The following KCNS1 variants were observed in gnomAD, a reference collection of about 807,000 sequenced individuals.
KCNS1 encodes potassium voltage-gated channel modifier subfamily S member 1.
KCNS1 carries 26 observed loss-of-function variants against 33.1 expected under a neutral mutation model. That is an observed-to-expected ratio of 0.79 (90% CI 0.58 to 1.09). KCNS1 has a LOEUF of 1.09. Ranked by LOEUF, KCNS1 falls within the 50% of genes least tolerant of loss-of-function variation. The pLI, the probability that KCNS1 is intolerant of heterozygous loss-of-function variation, is 0.00. For missense variants in KCNS1, 702 were observed against 752.4 expected (o/e 0.93, Z 0.78); for synonymous variants, 299 against 338.8 (o/e 0.88, Z 1.29).
Position 45,091,778 on chromosome 20 carries a change from G to A in KCNS1, c.*3092C>T, listed in dbSNP as rs1242136948. ...ACACTGAAGTGAGATCAGAGGCAGA[G>A]ACTTGAGTGATGCAGCCACAGCCAA... On this transcript the variant is annotated 3_prime_UTR_variant, in exon 4 of 4. Transcript: ENST00000537075. Among the ~76,000 whole-genome samples, 2 of 152,190 alleles carry A rather than the reference G, an allele frequency of 1.3e-5. No individual in the cohort carries two copies. The highest frequency in any genetic ancestry group is 4.8e-5 in the African/African-American group (2 of 41,450).
intron 2 of KCNS1, 95 bp downstream of exon 2, chr20:45,099,066 T>C (rs1050495567): frequency 7.2e-7 from 1 of 1,398,432 alleles, no homozygotes; most frequent in African/African-American, 1.4e-5. Flanking sequence ...CAGGACAAAC[T>C]TGGATTTATT....
In KCNS1 at chr20:45,095,096, G is replaced by C. The variant is rs1289535083; in HGVS notation, c.1355C>G (p.Pro452Arg). ...ILGGILVVAL[P>R]ITIIFNKFSH... is the part of the protein sequence containing the mutation. Reference sequence around the variant, plus strand: ...GAACTTGTTGAAGATGATGGTGATGGGGAGTGCTACCACCAGGATGCCCCC... The same window carrying C: ...GAACTTGTTGAAGATGATGGTGATGCGGAGTGCTACCACCAGGATGCCCCC... Residue 452 changes from proline to arginine, a missense_variant, in exon 4 of 4, where the codon CCC (proline) becomes CGC (arginine). Physicochemically the swap from Pro to Arg is moderately radical, Grantham distance 103 (BLOSUM62 -2). This residue lies in a region of KCNS1 where 253 missense variants were observed against 327.4 expected (regional missense o/e 0.77). Coordinates refer to ENST00000537075, the MANE Select transcript of KCNS1 (RefSeq NM_001322799.2). 6.2e-7 allele frequency: 1 copy of C among 1,613,912 alleles called. No homozygotes were observed. Among genetic ancestry groups the C allele is most frequent in the Non-Finnish European group, 8.5e-7 (1 of 1,180,008 alleles).
chr20:45,095,069 G>T lies in KCNS1; in HGVS notation c.1382C>A (p.Ser461Tyr). The T allele has an allele frequency of 1.2e-6, 2 of 1,614,036 alleles. No homozygotes were observed. The highest frequency in any genetic ancestry group is 1.7e-6 in the Non-Finnish European group (2 of 1,180,012). The change falls in exon 4 of 4, where the codon TCC becomes TAC. Residue 461 changes from serine to tyrosine, a missense_variant. Ser to Tyr is a moderately radical substitution (Grantham distance 144). Transcript: ENST00000537075. ...LPITIIFNKF[S>Y]HFYRRQKALE... ...AGCCTTCTGGCGCCGGTAGAAGTGG[G>T]AGAACTTGTTGAAGATGATGGTGAT...
intron 2 of KCNS1, 79 bp downstream of exon 2, chr20:45,099,082 C>T: frequency 6.7e-7 from 1 of 1,486,578 alleles, no homozygotes; most frequent in Non-Finnish European, 9.1e-7. Flanking sequence ...TTATTTACAC[C>T]AAAGGTCTAC....
Position 45,093,577 on chromosome 20 carries a change from G to A in KCNS1, c.*1293C>T, listed in dbSNP as rs1008569716. 1 of 152,250 alleles carries A rather than the reference G, an allele frequency of 6.6e-6. No individual in the cohort carries two copies. Among genetic ancestry groups the A allele is most frequent in the African/African-American group, 2.4e-5 (1 of 41,454 alleles). 9.4% of individuals were successfully genotyped at this position (152,250 alleles called of 1,614,324 possible). ...AGTCAGACAACAACAGCACAGTGCT[G>A]GGTGCTGTAGCCACAGTATGTGGAA... On this transcript the variant is annotated 3_prime_UTR_variant, in exon 4 of 4. Transcript: ENST00000537075.
In KCNS1 at chr20:45,098,990, T is replaced by C. The variant is rs1413547115; in HGVS notation, c.76+171A>G. The stretch of plus-strand genomic sequence containing the variant: ...ATGCTGAGATCTACCTGGAAGGATA[T>C]GAAAGCGATGGAATCGCAGGATGTC... On this transcript the variant is annotated intron_variant, in intron 2 of 3. Transcript: ENST00000537075. The surrounding 1 kb of genome is among the most constrained non-coding windows in gnomAD (Gnocchi z 5.2). Among the ~76,000 whole-genome samples, 4 of 152,206 alleles carry C rather than the reference T, an allele frequency of 2.6e-5. No homozygotes were observed. Among genetic ancestry groups the C allele is most frequent in the Non-Finnish European group, 5.9e-5 (4 of 68,034 alleles).
intron 3 of KCNS1, among the ~76,000 whole-genome samples, chr20:45,096,311 T>A (rs1156927590): frequency 6.6e-6 from 1 of 152,152 alleles, no homozygotes; most frequent in African/African-American, 2.4e-5. Context: ...CAGCTCTGAT[T>A]AGTAATACTC....
At chr20:45,095,816 G>T (rs944440752) in intron 3 of KCNS1, among the ~76,000 whole-genome samples, 3 of 152,168 alleles carry the variant, frequency 2.0e-5, no homozygotes, top group Non-Finnish European at 4.4e-5. Flanking sequence ...CTTTCCTATG[G>T]CTGTGTATGT....
intron 1 of KCNS1, 126 bp from the exon 2 acceptor site, chr20:45,099,365 G>C (rs1285364616): frequency 3.1e-6 from 2 of 652,450 alleles, no homozygotes; most frequent in Non-Finnish European, 5.6e-6. Context: ...ACATAGTCAA[G>C]TTTGAGAGCT....
At chr20:45,100,239 C>T (rs1329978040) in intron 1 of KCNS1, 7 of 152,204 alleles carry the variant, frequency 4.6e-5, no homozygotes, top group African/African-American at 1.2e-4. Flanking sequence ...ATCATACTTT[C>T]CAGGAGAGGC....
rs34643859 is a variant in KCNS1, at chr20:45,098,726, T to C, written c.77-31A>G. 0.25 allele frequency: 336,273 copies of C among 1,343,672 alleles called. 45,421 individuals are homozygous for C. Among genetic ancestry groups the C allele is most frequent in the Middle Eastern group, 0.27 (1,363 of 4,958 alleles). The allele number at this position is 1,343,672 out of a possible 1,614,324, so 83.2% of individuals were successfully genotyped here. On this transcript the variant is annotated intron_variant, in intron 2 of 3. Coordinates refer to ENST00000537075, the MANE Select transcript of KCNS1 (RefSeq NM_001322799.2). The surrounding 1 kb of genome is among the most constrained non-coding windows in gnomAD (Gnocchi z 5.2). Reference sequence around the variant, plus strand: ...GACACCAGAAGGGCGCGCTGAGGAGTTCCCGGGCTTCCCTTCCTGGAAGAC... The same window carrying C: ...GACACCAGAAGGGCGCGCTGAGGAGCTCCCGGGCTTCCCTTCCTGGAAGAC...
Position 45,095,263 on chromosome 20 carries a change from T to G in KCNS1, c.1188A>C (p.Thr396=). 1 of 1,614,080 alleles carries G rather than the reference T, an allele frequency of 6.2e-7. No homozygotes were observed. Among genetic ancestry groups the G allele is most frequent in the Non-Finnish European group, 8.5e-7 (1 of 1,180,012 alleles). ...GVSVFSGVAY[T]AEKEEDVGFN... ...AGCCCACGTCCTCCTCCTTTTCAGC[T>G]GTGTAGGCCACACCAGAGAACACTG... Residue 396 remains threonine (T), a synonymous_variant, in exon 4 of 4, where the codon ACA becomes ACC. Coordinates refer to ENST00000537075, the MANE Select transcript of KCNS1 (RefSeq NM_001322799.2).
Position 45,098,441 on chromosome 20 carries a change from A to G in KCNS1, c.331T>C (p.Phe111Leu), listed in dbSNP as rs534791107. The change falls in exon 3 of 4, where the codon TTC becomes CTC. Residue 111 changes from phenylalanine to leucine, a missense_variant. Phe to Leu is a conservative substitution (Grantham distance 22). Transcript: ENST00000537075. The surrounding 1 kb of genome is among the most constrained non-coding windows in gnomAD (Gnocchi z 5.2). ...EFYFDRHPGF[F>L]LSLLHFYRTG... ...CGGTAGAAGTGCAGCAGGCTCAGGA[A>G]GAAGCCCGGGTGCCGGTCGAAGTAG... The G allele has an allele frequency of 1.3e-6, 2 of 1,592,882 alleles. No individual in the cohort carries two copies. The highest frequency in any genetic ancestry group is 2.3e-5 in the East Asian group (1 of 43,272).
chr20:45,097,579 G>A, intron 3 of KCNS1, 83 bp downstream of exon 3: 4 of 1,358,446 alleles, frequency 2.9e-6, no homozygotes, highest in African/African-American at 1.4e-5. Context: ...GCCTGGACTC[G>A]GCAGGCTTGT....
rs1981129091 is a variant in KCNS1, at chr20:45,094,976, A to G, written c.1475T>C (p.Val492Ala). The part of the protein sequence containing the change: ...FEDLLSSIDG[V>A]SEASLETSRE... The stretch of plus-strand genomic sequence containing the variant: ...GGATGTCTCCAGAGATGCCTCCGAC[A>G]CCCCATCAATGCTGCTCAGCAAGTC... The change falls in exon 4 of 4, where the codon GTG (valine) becomes GCG (alanine). Residue 492 changes from valine (V) to alanine (A), a missense_variant. Coordinates refer to ENST00000537075, the MANE Select transcript of KCNS1 (RefSeq NM_001322799.2). 6.2e-7 allele frequency: 1 copy of G among 1,611,148 alleles called. No homozygotes were observed. Among genetic ancestry groups the G allele is most frequent in the Non-Finnish European group, 8.5e-7 (1 of 1,179,352 alleles).
chr20:45,100,457 C>A (rs181430452), intron 1 of KCNS1: 10 of 152,374 alleles, frequency 6.6e-5, no homozygotes, highest in Admixed American at 1.3e-4. Flanking sequence ...CAGGAGCTCA[C>A]TTTCCTGCTC....
intron 1 of KCNS1, chr20:45,100,381 A>G (rs1404587332): frequency 6.6e-6 from 1 of 152,276 alleles, no homozygotes; most frequent in Non-Finnish European, 1.5e-5. Flanking sequence ...GCATCAAAAA[A>G]TGAAATTTCT....
rs186549683 is a variant in KCNS1 at position 45,095,095 on chromosome 20, G to A, written c.1356C>T (p.Pro452=). Residue 452 remains proline, a synonymous_variant, in exon 4 of 4, where the codon CCC becomes CCT. Coordinates refer to ENST00000537075, the MANE Select transcript of KCNS1 (RefSeq NM_001322799.2). ...AGAACTTGTTGAAGATGATGGTGAT[G>A]GGGAGTGCTACCACCAGGATGCCCC... ...ILGGILVVAL[P]ITIIFNKFSH... 2.5e-6 allele frequency: 4 copies of A among 1,614,064 alleles called. No individual in the cohort carries two copies. In the East Asian group the frequency reaches 8.9e-5, roughly 36 times the overall value.
Position 45,097,929 on chromosome 20 carries a change from G to A in KCNS1, c.843C>T (p.Ala281=), listed in dbSNP as rs547517793. The A allele has an allele frequency of 1.6e-4, 252 of 1,594,436 alleles. 1 individual carries two copies. In the South Asian group the frequency reaches 2.7e-3, roughly 17 times the overall value. The change falls in exon 3 of 4, where the codon GCC becomes GCT. Residue 281 remains alanine (A), a synonymous_variant. Transcript: ENST00000537075. ...VLRRLEYFCI[A]WFSFEVSSRL... is the part of the protein sequence containing the mutation. ...GCGACGACACCTCGAAGCTGAACCA[G>A]GCGATGCAGAAGTACTCGAGGCGTC...
Sources: gnomAD v4.1 joint callset for allele counts (sites outside exome capture counted in the v4.1 genomes callset) on GRCh38, gnomAD v4.1.1 for gene constraint, gnomAD v4.1.1 regional missense constraint, Gnocchi (gnomAD v3.1) non-coding constraint, MANE v1.5 for transcripts, NCBI Gene and HGNC (gene_info 2026-07-23, HGNC 2026-07-21) for gene names.